The following PCBP3 variants were observed in gnomAD, a reference collection of about 807,000 sequenced individuals.
The protein encoded by PCBP3 is poly(rC) binding protein 3.
PCBP3 carries 25 observed loss-of-function variants against 52.7 expected under a neutral mutation model. That is an observed-to-expected ratio of 0.47 (90% CI 0.35 to 0.66). PCBP3 has a LOEUF of 0.66. PCBP3 is among the 30% of genes least tolerant of loss of function. PCBP3 has a pLI of 0.01. For missense variants in PCBP3, 391 were observed against 490.3 expected, an observed-to-expected ratio of 0.80 and a Z score of 1.91; for synonymous variants, 162 against 183.0, an observed-to-expected ratio of 0.89 and a Z score of 0.93.
rs201815009 is a variant in PCBP3 at position 45,910,854 on chromosome 21, C to T, written c.472-48C>T. ...CCGAGACTCGGGAGGTACTGCTGCCCCATGCGCTGCTACCCTGGTGCTCCC... is the reference window on the plus strand; with the variant it reads ...CCGAGACTCGGGAGGTACTGCTGCCTCATGCGCTGCTACCCTGGTGCTCCC... On this transcript the variant is annotated intron_variant, in intron 10 of 17. Coordinates refer to ENST00000681687, the MANE Select transcript of PCBP3 (RefSeq NM_001384156.1). 2.1e-5 allele frequency: 32 copies of T among 1,548,232 alleles called. No individual in the cohort carries two copies. The African/African-American group carries it at 3.9e-4, about 19-fold the overall frequency.
intron 4 of PCBP3, among the ~76,000 whole-genome samples, chr21:45,815,978 G>GGTGAGTGGTGA (rs1214656010): frequency 1.7e-4 from 21 of 125,392 alleles, no homozygotes; most frequent in African/African-American, 6.0e-4. Flanking sequence ...AGTGATGAGT[G>GGTGAGTGGTGA]GTGAGTGGTG....
chr21:45,862,869 A>C (rs540133432), intron 5 of PCBP3, among the ~76,000 whole-genome samples: 1 of 152,256 alleles, frequency 6.6e-6, no homozygotes, highest in East Asian at 1.9e-4. Context: ...ACATGGTGGG[A>C]TCAAGGTAAG....
At chr21:45,858,846 G>A (rs1213881626) in intron 5 of PCBP3, 1 of 152,146 alleles carries the variant, frequency 6.6e-6, no homozygotes, top group Non-Finnish European at 1.5e-5. Flanking sequence ...TTCCCGTGCT[G>A]TTCTCGTGAT....
intron 5 of PCBP3, among the ~76,000 whole-genome samples, chr21:45,867,251 A>G (rs1603458516): frequency 2.0e-5 from 3 of 152,266 alleles, no homozygotes; most frequent in African/African-American, 7.2e-5. Flanking sequence ...GATCTGAGGC[A>G]GGGCCAGCCT....
intron 16 of PCBP3, among the ~76,000 whole-genome samples, chr21:45,937,385 G>A (rs1226897135): frequency 6.6e-6 from 1 of 152,130 alleles, no homozygotes; most frequent in Non-Finnish European, 1.5e-5. Flanking sequence ...GGTGCCTGTG[G>A]TCACCCCTAC....
At chr21:45,793,362 C>G (rs568636777) in intron 4 of PCBP3, among the ~76,000 whole-genome samples, 1 of 152,160 alleles carries the variant, frequency 6.6e-6, no homozygotes, top group African/African-American at 2.4e-5. Context: ...GAGCACAGAC[C>G]GAGGACCAGC....
chr21:45,770,510 T>G (rs758609650), intron 4 of PCBP3, among the ~76,000 whole-genome samples: 7 of 152,196 alleles, frequency 4.6e-5, no homozygotes, highest in African/African-American at 1.7e-4. Context: ...GTGGCAGAGA[T>G]TTTTTTATGG....
intron 1 of PCBP3, among the ~76,000 whole-genome samples, chr21:45,644,780 T>TTA (rs1306982917): frequency 6.6e-6 from 1 of 152,106 alleles, no homozygotes; most frequent in Non-Finnish European, 1.5e-5. Context: ...GGAGAGGCCT[T>TTA]TAGAGATTAG....
Position 45,904,613 on chromosome 21 carries a change from T to C in PCBP3, c.339+3500T>C, listed in dbSNP as rs1400122716. Among the ~76,000 whole-genome samples, 1 of 152,198 alleles carries C rather than the reference T, an allele frequency of 6.6e-6. No homozygotes were observed. Among genetic ancestry groups the C allele is most frequent in the Non-Finnish European group, 1.5e-5 (1 of 68,040 alleles). On this transcript the variant is annotated intron_variant, in intron 9 of 17. Transcript: ENST00000681687. The surrounding 1 kb of genome is among the most constrained non-coding windows in gnomAD (Gnocchi z 4.8). ...CATGTAAAAGTTGGTATGCTTCAGG[T>C]TGGAAATGCAAAATCAAGGAATTTT...
At chr21:45,663,417 C>T (rs1449131528) in intron 1 of PCBP3, among the ~76,000 whole-genome samples, 2 of 152,130 alleles carry the variant, frequency 1.3e-5, no homozygotes, top group Non-Finnish European at 2.9e-5. Context: ...GTCTTTATTT[C>T]TGCCATCTCT....
intron 4 of PCBP3, among the ~76,000 whole-genome samples, chr21:45,785,033 C>T (rs1382091190): frequency 4.0e-5 from 6 of 151,762 alleles, no homozygotes; most frequent in South Asian, 4.2e-4. Flanking sequence ...TCTGCCCGGC[C>T]GCCCATCATC....
At chr21:45,899,334 G>A (rs527870908) in intron 6 of PCBP3, among the ~76,000 whole-genome samples, 71 of 152,104 alleles carry the variant, frequency 4.7e-4, no homozygotes, top group African/African-American at 1.7e-3. Flanking sequence ...GCCCTCCCCC[G>A]GGGCACTTAC....
chr21:45,875,195 C>T (rs370982184), intron 5 of PCBP3, among the ~76,000 whole-genome samples: 1 of 151,928 alleles, frequency 6.6e-6, no homozygotes, highest in East Asian at 1.9e-4. Flanking sequence ...GCTGGGGGCC[C>T]TTCCACGCGG....
At chr21:45,671,313 C>G (rs2081158626) in intron 2 of PCBP3, among the ~76,000 whole-genome samples, 1 of 152,182 alleles carries the variant, frequency 6.6e-6, no homozygotes, top group Non-Finnish European at 1.5e-5. Context: ...GTGTCTTGCA[C>G]AAAGGATGGA....
chr21:45,842,017 T>C (rs1407538191), intron 4 of PCBP3, among the ~76,000 whole-genome samples: 1 of 152,240 alleles, frequency 6.6e-6, no homozygotes, highest in Non-Finnish European at 1.5e-5. Context: ...GGATCTCTCT[T>C]TCTCTAGCAC....
rs573627055 is a variant in PCBP3 at position 45,791,616 on chromosome 21, T to G, written c.-126+36164T>G. Among the ~76,000 whole-genome samples the G allele has an allele frequency of 1.3e-5, 2 of 152,306 alleles. No individual in the cohort carries two copies. The highest frequency in any genetic ancestry group is 4.1e-4 in the South Asian group (2 of 4,832). ...GGAAGGCAGGTGGCCGCCAACAACT[T>G]TCTTTTTCCAGTTGGTGGCAGTCAT... is the stretch of plus-strand genomic sequence containing the variant. On this transcript the variant is annotated intron_variant, in intron 4 of 17. Transcript: ENST00000681687. The surrounding 1 kb of genome is among the most constrained non-coding windows in gnomAD (Gnocchi z 4.2).
At chr21:45,793,389 G>A (rs1200359656) in intron 4 of PCBP3, among the ~76,000 whole-genome samples, 1 of 152,108 alleles carries the variant, frequency 6.6e-6, no homozygotes, top group Non-Finnish European at 1.5e-5. Flanking sequence ...AGGACTCGCT[G>A]ATGCAGAGCT....
intron 5 of PCBP3, among the ~76,000 whole-genome samples, chr21:45,895,290 C>T (rs778328780): frequency 3.9e-5 from 6 of 152,176 alleles, no homozygotes; most frequent in Non-Finnish European, 8.8e-5. Context: ...CTGTGTGAAC[C>T]GGTTGAATCA....
chr21:45,837,275 G>A lies in PCBP3; in HGVS notation c.-125-12686G>A, dbSNP rs2093610874. The stretch of plus-strand genomic sequence containing the variant: ...CCCGTTCCACATGCTCTTGTGCTGT[G>A]ACTTTGATGCACCTCCCGCCAGGGA... On this transcript the variant is annotated intron_variant, in intron 4 of 17. Coordinates refer to ENST00000681687, the MANE Select transcript of PCBP3 (RefSeq NM_001384156.1). This position sits in a 1 kb window ranked among gnomAD's most constrained non-coding sequence, Gnocchi z 4.1. Among the ~76,000 whole-genome samples the A allele has an allele frequency of 1.3e-5, 2 of 152,226 alleles. No individual in the cohort carries two copies. The highest frequency in any genetic ancestry group is 4.1e-4 in the South Asian group (2 of 4,834).
Sources: allele counts gnomAD v4.1 joint callset (sites outside exome capture counted in the v4.1 genomes callset), GRCh38; gene constraint gnomAD v4.1.1; non-coding constraint Gnocchi (gnomAD v3.1); transcripts MANE v1.5; gene names NCBI Gene and HGNC (gene_info 2026-07-23, HGNC 2026-07-21).